The following NPEPPS variants were observed in gnomAD, a reference collection of about 807,000 sequenced individuals.
NPEPPS encodes aminopeptidase puromycin sensitive, also known as puromycin-sensitive aminopeptidase.
NPEPPS carries 14 observed loss-of-function variants against 115.5 expected under a neutral mutation model. The observed-to-expected ratio is 0.12, with a 90% CI of 0.08 to 0.19. The LOEUF (loss-of-function observed/expected upper bound fraction) is 0.19. Among genes scored for constraint, NPEPPS ranks in the 10% least tolerant of loss-of-function variants. The pLI is 1.00. For missense variants in NPEPPS, 523 were observed against 1,110.8 expected (o/e 0.47, Z 7.52); for synonymous variants, 285 against 390.6 (o/e 0.73, Z 3.19).
chr17:47,541,247 A>G (rs796486764), intron 1 of NPEPPS, among the ~76,000 whole-genome samples: 5 of 152,326 alleles, frequency 3.3e-5, no homozygotes, highest in African/African-American at 1.2e-4. Context: ...GGTTGCCTAG[A>G]TAATGATTAA....
chr17:47,544,840 G>A (rs1401931338), intron 1 of NPEPPS, among the ~76,000 whole-genome samples: 8 of 146,366 alleles, frequency 5.5e-5, no homozygotes, highest in Admixed American at 2.1e-4. Flanking sequence ...TGCATCGTGA[G>A]TAGCTGGGAT....
intron 13 of NPEPPS, among the ~76,000 whole-genome samples, chr17:47,598,824 G>A (rs1261974480): frequency 6.6e-6 from 1 of 151,924 alleles, no homozygotes; most frequent in Non-Finnish European, 1.5e-5. Context: ...CTACAGGCAC[G>A]GCCAAACTCA....
chr17:47,587,190 A>C, intron 8 of NPEPPS, 40 bp from the exon 9 acceptor site: 1 of 1,507,044 alleles, frequency 6.6e-7, no homozygotes, highest in Non-Finnish European at 8.8e-7. Flanking sequence ...GCCCACTTTT[A>C]TTGTTTAAAT....
chr17:47,578,529 T>A (rs1445773613), intron 3 of NPEPPS, among the ~76,000 whole-genome samples: 1 of 152,114 alleles, frequency 6.6e-6, no homozygotes, highest in African/African-American at 2.4e-5. Flanking sequence ...TAATTATAAT[T>A]TTTTATGTTA....
chr17:47,560,759 G>T (rs865973188), intron 2 of NPEPPS, among the ~76,000 whole-genome samples: 16 of 152,056 alleles, frequency 1.1e-4, no homozygotes, highest in African/African-American at 7.2e-5. Context: ...TTATTTTTTT[G>T]CACCTGAACT....
chr17:47,607,342 T>C (rs1259415314), intron 17 of NPEPPS, among the ~76,000 whole-genome samples: 7 of 152,038 alleles, frequency 4.6e-5, no homozygotes, highest in Non-Finnish European at 8.8e-5. Flanking sequence ...AGAAAAGTGG[T>C]TGAGACAGAG....
At chr17:47,607,779 A>T (rs1913604033) in intron 17 of NPEPPS, among the ~76,000 whole-genome samples, 1 of 152,208 alleles carries the variant, frequency 6.6e-6, no homozygotes, top group African/African-American at 2.4e-5. Flanking sequence ...GTGTCATCAA[A>T]TTTTGGCCTG....
chr17:47,602,382 TAGATCACTTTCGGAGGCCGAGGCAGGC>T (rs1411919406), intron 15 of NPEPPS, among the ~76,000 whole-genome samples: 2 of 151,606 alleles, frequency 1.3e-5, no homozygotes, highest in South Asian at 2.1e-4. Flanking sequence ...CCGAGGCAGG[TAGATCACTTTCGGAGGCCGAGGCAGGC>T]AGATCACAAG....
At chr17:47,533,497 A>G (rs1907973227) in intron 1 of NPEPPS, among the ~76,000 whole-genome samples, 1 of 152,076 alleles carries the variant, frequency 6.6e-6, no homozygotes. Flanking sequence ...TTATGTGAAA[A>G]GACTAACATT....
At chr17:47,566,775 A>G (rs1255727404) in intron 2 of NPEPPS, among the ~76,000 whole-genome samples, 2 of 151,986 alleles carry the variant, frequency 1.3e-5, no homozygotes, top group East Asian at 1.9e-4. Context: ...TTTGATTTCT[A>G]TTCAAATTTA....
chr17:47,536,816 TTTC>T (rs1268245640), intron 1 of NPEPPS, among the ~76,000 whole-genome samples: 1 of 149,818 alleles, frequency 6.7e-6, no homozygotes. Flanking sequence ...GGCTCAAGTG[TTTC>T]TCTTGCCCCA....
chr17:47,608,395 A>G (rs1913639684), intron 17 of NPEPPS, among the ~76,000 whole-genome samples: 1 of 145,610 alleles, frequency 6.9e-6, no homozygotes, highest in East Asian at 2.1e-4. Flanking sequence ...CAGAGGTTGC[A>G]GTGAGCCGAG....
At chr17:47,563,578 C>G (rs1422761136) in intron 2 of NPEPPS, among the ~76,000 whole-genome samples, 1 of 144,800 alleles carries the variant, frequency 6.9e-6, no homozygotes, top group Non-Finnish European at 1.5e-5. Context: ...AAAAGTGTTT[C>G]TTTTTTTTTT....
Position 47,613,681 on chromosome 17 carries a change from G to A in NPEPPS, c.2251G>A (p.Val751Ile). 6.2e-7 allele frequency: 1 copy of A among 1,611,066 alleles called. No homozygotes were observed. Among genetic ancestry groups the A allele is most frequent in the Non-Finnish European group, 8.5e-7 (1 of 1,178,736 alleles). ...TTGTCCCTTGTAGGTCTATCTGACT[G>A]TTTTGAAGCATGGTGATGGCACTAC... Reference protein sequence around the residue: ...ADLRSPVYLTVLKHGDGTTLD... With the variant: ...ADLRSPVYLTILKHGDGTTLD... Residue 751 changes from valine to isoleucine, a missense_variant, in exon 19 of 23, where the codon GTT (valine) becomes ATT (isoleucine). Physicochemically the swap from Val to Ile is conservative, Grantham distance 29. Around this residue, in one of 4 missense-constraint regions of NPEPPS, gnomAD observed 372 missense variants for 542.6 expected, o/e 0.69. Coordinates refer to ENST00000322157, the MANE Select transcript of NPEPPS (RefSeq NM_006310.4).
chr17:47,552,648 T>TAA (rs1282397708), intron 2 of NPEPPS, among the ~76,000 whole-genome samples: 5 of 152,190 alleles, frequency 3.3e-5, no homozygotes, highest in Non-Finnish European at 7.3e-5. Flanking sequence ...TAAATAGCCT[T>TAA]AAGGTGATAT....
Position 47,612,723 on chromosome 17 carries a change from G to T in NPEPPS, c.2238+121G>T, listed in dbSNP as rs1913952213. The T allele has an allele frequency of 1.5e-5, 13 of 895,052 alleles. No homozygotes were observed. The South Asian group carries it at 1.9e-4, about 13-fold the overall frequency. The allele number at this position is 895,052 out of a possible 1,614,324, so 55.4% of individuals were successfully genotyped here. ...CTGTCGCCCAGGCTGGAGTGCAGTGGCATGATCTCGGCTCACTGCAGCCTC... is the reference window on the plus strand; with the variant it reads ...CTGTCGCCCAGGCTGGAGTGCAGTGTCATGATCTCGGCTCACTGCAGCCTC... On this transcript the variant is annotated intron_variant, in intron 18 of 22. Coordinates refer to ENST00000322157, the MANE Select transcript of NPEPPS (RefSeq NM_006310.4).
At chr17:47,555,799 A>G (rs1909969306) in intron 2 of NPEPPS, among the ~76,000 whole-genome samples, 3 of 151,644 alleles carry the variant, frequency 2.0e-5, no homozygotes, top group Admixed American at 1.3e-4. Context: ...GAGATCTTTC[A>G]TTGCTCTAGG....
upstream of NPEPPS, among the ~76,000 whole-genome samples, chr17:47,529,144 G>A (rs1424688190): frequency 1.3e-5 from 2 of 152,058 alleles, no homozygotes; most frequent in East Asian, 3.8e-4. Flanking sequence ...GGAAATTACT[G>A]GGTTCTATCT....
chr17:47,527,805 C>T (rs1282897450), upstream of NPEPPS, among the ~76,000 whole-genome samples: 9 of 151,718 alleles, frequency 5.9e-5, no homozygotes, highest in African/African-American at 2.2e-4. Context: ...AAAAATTAGC[C>T]GGGCATGGTG....
Sources: allele counts gnomAD v4.1 joint callset (sites outside exome capture counted in the v4.1 genomes callset), GRCh38; gene constraint gnomAD v4.1.1; regional missense constraint gnomAD v4.1.1; transcripts MANE v1.5; gene names NCBI Gene and HGNC (gene_info 2026-07-23, HGNC 2026-07-21).